Variants in COX7B2 observed in about 807,000 individuals in gnomAD.
The protein encoded by COX7B2 is cytochrome c oxidase subunit 7B2, mitochondrial.
For synonymous variants in COX7B2, 37 were observed against 32.1 expected, an observed-to-expected ratio of 1.15 and a Z score of -0.51; for missense variants, 109 against 95.9, an observed-to-expected ratio of 1.14 and a Z score of -0.57.
At chr4:46,894,770 A>G (rs968353083) in intron 1 of COX7B2, among the ~76,000 whole-genome samples, 4 of 152,194 alleles carry the variant, frequency 2.6e-5, no homozygotes, top group African/African-American at 9.7e-5. Flanking sequence ...AGCATCTATA[A>G]GGAACTTAAA....
chr4:46,758,822 T>C (rs1715956567), intron 2 of COX7B2, among the ~76,000 whole-genome samples: 1 of 152,124 alleles, frequency 6.6e-6, no homozygotes, highest in Non-Finnish European at 1.5e-5. Flanking sequence ...AATCAAAGCC[T>C]AGGCCTAAGA....
chr4:46,794,375 G>T (rs1718212091), intron 2 of COX7B2, among the ~76,000 whole-genome samples: 1 of 152,172 alleles, frequency 6.6e-6, no homozygotes, highest in Non-Finnish European at 1.5e-5. Flanking sequence ...ATGGTACACA[G>T]TGAGTAAATT....
intron 2 of COX7B2, among the ~76,000 whole-genome samples, chr4:46,791,163 T>A (rs908757442): frequency 7.3e-5 from 11 of 151,364 alleles, no homozygotes; most frequent in Non-Finnish European, 1.5e-4. Flanking sequence ...CACATCTGGC[T>A]AATTTTTTGT....
intron 2 of COX7B2, among the ~76,000 whole-genome samples, chr4:46,805,023 G>C (rs1718920243): frequency 2.0e-5 from 3 of 152,262 alleles, no homozygotes; most frequent in Middle Eastern, 3.4e-3. Flanking sequence ...GAGCACAGCA[G>C]CTGCTGGCCC....
At chr4:46,815,015 G>T (rs1434916860) in intron 2 of COX7B2, among the ~76,000 whole-genome samples, 2 of 151,908 alleles carry the variant, frequency 1.3e-5, no homozygotes, top group East Asian at 1.9e-4. Flanking sequence ...GCGAAACCCC[G>T]TCTCTACTGA....
At chr4:46,840,855 G>A (rs1459663513) in intron 2 of COX7B2, among the ~76,000 whole-genome samples, 2 of 152,006 alleles carry the variant, frequency 1.3e-5, no homozygotes, top group African/African-American at 4.8e-5. Flanking sequence ...TGGGAAGTTA[G>A]TCTGGGAAGG....
At chr4:46,905,159 T>TA (rs1560447348) in intron 1 of COX7B2, among the ~76,000 whole-genome samples, 1 of 152,152 alleles carries the variant, frequency 6.6e-6, no homozygotes. Flanking sequence ...CAAGTTTTTT[T>TA]TTTTTAAGCA....
intron 1 of COX7B2, among the ~76,000 whole-genome samples, chr4:46,897,917 A>G (rs1719858301): frequency 6.6e-6 from 1 of 152,058 alleles, no homozygotes; most frequent in Non-Finnish European, 1.5e-5. Context: ...TGACATTATA[A>G]TTTCCTCAGC....
rs190019093 is a variant in COX7B2 at position 46,780,483 on chromosome 4, C to G, written c.-49-45242G>C. ...AGTGAGCCAAGATCGTGCCACTGCA[C>G]TCCAGCCTGGGTGACAGAGAGAGAC... On this transcript the variant is annotated intron_variant, in intron 2 of 2. Coordinates refer to ENST00000355591, the MANE Select transcript of COX7B2 (RefSeq NM_130902.3). 3.0e-3 allele frequency among the ~76,000 whole-genome samples: 453 copies of G among 152,298 alleles called. 4 individuals carry two copies. In the Middle Eastern group the frequency reaches 0.031, roughly 10 times the overall value.
intron 1 of COX7B2, among the ~76,000 whole-genome samples, chr4:46,864,694 G>C (rs982651301): frequency 6.6e-6 from 1 of 151,004 alleles, no homozygotes; most frequent in Admixed American, 6.6e-5. Flanking sequence ...GCCCAGGCTG[G>C]AGTGCAGTGG....
chr4:46,836,319 C>A lies in COX7B2; in HGVS notation c.-50+8641G>T, dbSNP rs146211848. On this transcript the variant is annotated intron_variant, in intron 2 of 2. Coordinates refer to ENST00000355591, the MANE Select transcript of COX7B2 (RefSeq NM_130902.3). ...CAACTGTCCAAAAATATTTTTATAT[C>A]CTTATTCTATACGTTTTTTTCTCTA... 4.5e-3 allele frequency among the ~76,000 whole-genome samples: 676 copies of A among 151,814 alleles called. 5 individuals carry two copies. Among genetic ancestry groups the A allele is most frequent in the African/African-American group, 0.016 (655 of 41,454 alleles).
At chr4:46,889,735 AG>A (rs775684441) in intron 1 of COX7B2, among the ~76,000 whole-genome samples, 3 of 152,170 alleles carry the variant, frequency 2.0e-5, no homozygotes, top group Non-Finnish European at 2.9e-5. Flanking sequence ...TTTTTAATTA[AG>A]TTTACTTAGT....
intron 1 of COX7B2, among the ~76,000 whole-genome samples, chr4:46,847,245 G>A (rs1716343869): frequency 6.6e-6 from 1 of 152,016 alleles, no homozygotes; most frequent in Admixed American, 6.6e-5. Flanking sequence ...CTAACCAATA[G>A]AATATGTGAC....
intron 1 of COX7B2, among the ~76,000 whole-genome samples, chr4:46,857,036 T>G (rs972553488): frequency 2.0e-5 from 3 of 152,198 alleles, no homozygotes; most frequent in African/African-American, 7.2e-5. Flanking sequence ...CTAAAAACTT[T>G]GCCATTATAC....
At chr4:46,780,387 G>C (rs535586327) in intron 2 of COX7B2, among the ~76,000 whole-genome samples, 1 of 152,176 alleles carries the variant, frequency 6.6e-6, no homozygotes, top group South Asian at 2.1e-4. Context: ...CGTGATGATG[G>C]GTGCCTATTG....
intron 2 of COX7B2, among the ~76,000 whole-genome samples, chr4:46,824,922 G>A (rs528003037): frequency 1.1e-3 from 162 of 151,946 alleles, no homozygotes; most frequent in African/African-American, 3.7e-3. Context: ...CACAACCAAC[G>A]TTATATTGAA....
At chr4:46,850,060 T>G (rs1716563886) in intron 1 of COX7B2, among the ~76,000 whole-genome samples, 1 of 151,992 alleles carries the variant, frequency 6.6e-6, no homozygotes, top group African/African-American at 2.4e-5. Context: ...AAGAATTTAT[T>G]ACAAGGATGA....
At chr4:46,887,372 T>C (rs1719139436) in intron 1 of COX7B2, among the ~76,000 whole-genome samples, 1 of 152,112 alleles carries the variant, frequency 6.6e-6, no homozygotes, top group African/African-American at 2.4e-5. Context: ...CAGGGCTCAG[T>C]CCTGGAGGAT....
At chr4:46,860,603 A>G (rs1455194300) in intron 1 of COX7B2, among the ~76,000 whole-genome samples, 1 of 152,150 alleles carries the variant, frequency 6.6e-6, no homozygotes, top group Non-Finnish European at 1.5e-5. Context: ...TAGATGGTCA[A>G]TTCAAAATCC....
Sources: allele counts gnomAD v4.1 joint callset (sites outside exome capture counted in the v4.1 genomes callset), GRCh38; gene constraint gnomAD v4.1.1; transcripts MANE v1.5; gene names NCBI Gene and HGNC (gene_info 2026-07-23, HGNC 2026-07-21).